Variants in MYO7B observed in about 807,000 individuals in gnomAD.
The protein encoded by MYO7B is unconventional myosin-VIIb.
MYO7B carries 212 observed loss-of-function variants against 259.7 expected under a neutral mutation model. The observed-to-expected ratio is 0.82, with a 90% CI of 0.73 to 0.91. The LOEUF (loss-of-function observed/expected upper bound fraction) is 0.91. Among genes scored for constraint, MYO7B ranks in the 40% least tolerant of loss-of-function variants. The pLI is 0.00. For missense variants in MYO7B, 2,732 were observed against 2,813.5 expected, an observed-to-expected ratio of 0.97 and a Z score of 0.66; for synonymous variants, 1,197 against 1,166.4, an observed-to-expected ratio of 1.03 and a Z score of -0.54.
chr2:127,636,481 G>A lies in MYO7B; in HGVS notation c.6124-64G>A, dbSNP rs1573733696. On this transcript the variant is annotated intron_variant, in intron 45 of 47. Transcript: ENST00000409816. The surrounding 1 kb of genome is among the most constrained non-coding windows in gnomAD (Gnocchi z 4.5). ...GTGTATGTGCGTGTGGCCTAGATGA[G>A]CTCCTGGGAGGTGCAGCCTGGCCTC... The A allele has an allele frequency of 8.6e-6, 13 of 1,519,108 alleles. No homozygotes were observed. In the East Asian group the frequency reaches 2.6e-4, roughly 31 times the overall value. The allele number at this position is 1,519,108 out of a possible 1,614,324, so 94.1% of individuals were successfully genotyped here. A position where few individuals can be genotyped will look rare whatever the true frequency, so the allele number is the denominator to read the frequency against.
Position 127,592,896 on chromosome 2 carries a change from G to T in MYO7B, c.2095G>T (p.Glu699Ter). ...SGFPIRYTFEEFSQRFGVLLP... is the reference protein window; with the variant it reads ...SGFPIRYTFE ...CTTCCCCATCCGCTACACGTTCGAG[G>T]AGTTCTCGCAGAGGTTCGGCGTGTT... The change falls in exon 17 of 48, where the codon GAG (glutamate) becomes TAG (stop). Residue 699 changes from glutamate (E) to a stop codon, truncating the protein, a stop_gained. Transcript: ENST00000409816. LOFTEE classifies it high-confidence loss of function. 1 of 1,608,176 alleles carries T rather than the reference G, an allele frequency of 6.2e-7. No homozygotes were observed. The highest frequency in any genetic ancestry group is 8.5e-7 in the Non-Finnish European group (1 of 1,177,854).
In MYO7B at chr2:127,629,105, G is replaced by A. The variant is rs921312444; in HGVS notation, c.4625-540G>A. On this transcript the variant is annotated intron_variant, in intron 34 of 47. Transcript: ENST00000409816. Reference sequence around the variant, plus strand: ...GGCCGGGTGGTCATGGGCGGTGGGTGGTGTGGTTAGTGCAGGGACTTCAGA... The same window carrying A: ...GGCCGGGTGGTCATGGGCGGTGGGTAGTGTGGTTAGTGCAGGGACTTCAGA... 5.9e-5 allele frequency among the ~76,000 whole-genome samples: 9 copies of A among 152,340 alleles called. No homozygotes were observed. In the East Asian group the frequency reaches 1.7e-3, roughly 29 times the overall value.
intron 28 of MYO7B, among the ~76,000 whole-genome samples, 181 bp from the exon 29 acceptor site, chr2:127,623,021 C>T (rs1680914369): frequency 6.6e-6 from 1 of 152,168 alleles, no homozygotes; most frequent in Non-Finnish European, 1.5e-5. Flanking sequence ...ACCTGTTGGC[C>T]TGAATTTTGT....
chr2:127,543,506 A>T (rs1693090409), intron 1 of MYO7B, among the ~76,000 whole-genome samples: 1 of 152,148 alleles, frequency 6.6e-6, no homozygotes, highest in East Asian at 1.9e-4. Flanking sequence ...ACTTCTTTCT[A>T]CATAGACACA....
At position 127,606,793 on chromosome 2, in the gene MYO7B, G is replaced by A. The variant is rs1486531809; in HGVS notation, c.2425-413G>A. Among the ~76,000 whole-genome samples, 3 of 152,186 alleles carry A rather than the reference G, an allele frequency of 2.0e-5. No individual in the cohort carries two copies. In the East Asian group the frequency reaches 5.8e-4, roughly 29 times the overall value. ...CTTTTACTTTAAAGATGCCCTCAGG[G>A]ATTTGAGTGGCCACAGGCCTCCACA... On this transcript the variant is annotated intron_variant, in intron 20 of 47. Transcript: ENST00000409816.
At chr2:127,596,893 A>G (rs181660539) in intron 19 of MYO7B, among the ~76,000 whole-genome samples, 2 of 152,376 alleles carry the variant, frequency 1.3e-5, no homozygotes, top group East Asian at 3.9e-4. Flanking sequence ...GCTTTTGGAC[A>G]GGAAAGAATC....
intron 39 of MYO7B, 109 bp from the exon 40 acceptor site, chr2:127,633,149 T>C: frequency 2.4e-6 from 2 of 834,894 alleles, no homozygotes; most frequent in Non-Finnish European, 3.8e-6. Flanking sequence ...TGATGGTCAC[T>C]GGGGTTTTCT....
At chr2:127,596,627 A>G (rs1451285800) in intron 19 of MYO7B, 71 bp downstream of exon 19, 2 of 1,278,140 alleles carry the variant, frequency 1.6e-6, no homozygotes, top group Non-Finnish European at 2.2e-6. Context: ...CCTGCAGCCC[A>G]CAAACCAGGA....
intron 6 of MYO7B, among the ~76,000 whole-genome samples, chr2:127,571,330 C>T (rs1252844256): frequency 2.6e-5 from 4 of 151,814 alleles, no homozygotes; most frequent in African/African-American, 9.7e-5. Flanking sequence ...AGGATGTTAG[C>T]GTCCTTCCTC....
At position 127,615,497 on chromosome 2, in the gene MYO7B, G is replaced by A. The variant is rs142030654; in HGVS notation, c.3398+2894G>A. ...GCTTCTTCAGCCCTTAGTATTTATT[G>A]GGTAGAATGAGCAGGGAGGAGGAGG... is the stretch of plus-strand genomic sequence containing the variant. On this transcript the variant is annotated intron_variant, in intron 26 of 47. Transcript: ENST00000409816. This position sits in a 1 kb window ranked among gnomAD's most constrained non-coding sequence, Gnocchi z 4.4. Among the ~76,000 whole-genome samples the A allele has an allele frequency of 2.1e-3, 316 of 152,162 alleles. 3 individuals carry two copies. Among genetic ancestry groups the A allele is most frequent in the African/African-American group, 7.3e-3 (304 of 41,506 alleles).
Position 127,584,394 on chromosome 2 carries a change from C to T in MYO7B, c.1554+62C>T. On this transcript the variant is annotated intron_variant, in intron 13 of 47. Transcript: ENST00000409816. The surrounding 1 kb of genome is among the most constrained non-coding windows in gnomAD (Gnocchi z 5.8). ...CCTGCTATGGGTCTCCTCTTGGAGGCTGGGAAACTCCATTTGGGTGGGCCA... is the reference window on the plus strand; with the variant it reads ...CCTGCTATGGGTCTCCTCTTGGAGGTTGGGAAACTCCATTTGGGTGGGCCA... 3 of 1,547,314 alleles carry T rather than the reference C, an allele frequency of 1.9e-6. No homozygotes were observed. Among genetic ancestry groups the T allele is most frequent in the Non-Finnish European group, 2.7e-6 (3 of 1,126,338 alleles).
chr2:127,550,871 GGA>G (rs1693419262), intron 1 of MYO7B, among the ~76,000 whole-genome samples: 1 of 151,530 alleles, frequency 6.6e-6, no homozygotes, highest in African/African-American at 2.4e-5. Context: ...AAGATGTGAG[GGA>G]GGATAATATA....
At chr2:127,624,772 G>A (rs1681022976) in intron 30 of MYO7B, among the ~76,000 whole-genome samples, 1 of 152,250 alleles carries the variant, frequency 6.6e-6, no homozygotes, top group Admixed American at 6.5e-5. Context: ...TGTACCGGGA[G>A]CTCTTTTGTA....
intron 26 of MYO7B, among the ~76,000 whole-genome samples, chr2:127,618,250 C>T (rs1323751222): frequency 4.6e-5 from 7 of 152,036 alleles, no homozygotes; most frequent in Non-Finnish European, 8.8e-5. Context: ...CATTACGAGA[C>T]GGAACGAAGG....
chr2:127,567,093 G>T (rs557549403), intron 5 of MYO7B, among the ~76,000 whole-genome samples: 1 of 152,148 alleles, frequency 6.6e-6, no homozygotes, highest in Non-Finnish European at 1.5e-5. Context: ...AGGAAGTTGG[G>T]CTGGGTTCCT....
chr2:127,568,116 C>A (rs1158013095), intron 5 of MYO7B, among the ~76,000 whole-genome samples: 1 of 152,192 alleles, frequency 6.6e-6, no homozygotes, highest in Admixed American at 6.5e-5. Context: ...TGGTACACAG[C>A]AGTGAAGTGG....
rs1677995929 is a variant in MYO7B, at chr2:127,559,819, G to C, written c.18+79G>C. The C allele has an allele frequency of 3.3e-6, 5 of 1,523,200 alleles. No homozygotes were observed. The African/African-American group carries it at 4.1e-5, about 13-fold the overall frequency. The allele number at this position is 1,523,200 out of a possible 1,614,324, so 94.4% of individuals were successfully genotyped here. ...AAGTTGAATCGCTCCCAAGGAAAGAGAGGAAAGGCAATGAGACCCTATAGG... is the reference window on the plus strand; with the variant it reads ...AAGTTGAATCGCTCCCAAGGAAAGACAGGAAAGGCAATGAGACCCTATAGG... On this transcript the variant is annotated intron_variant, in intron 2 of 47. Coordinates refer to ENST00000409816, the MANE Select transcript of MYO7B (RefSeq NM_001393586.1). This position sits in a 1 kb window ranked among gnomAD's most constrained non-coding sequence, Gnocchi z 4.1.
At position 127,597,475 on chromosome 2, in the gene MYO7B, A is replaced by C. The variant is rs1235696277; in HGVS notation, c.2339+919A>C. ...GTGCTGCTTAACCCCAGCAACCTCT[A>C]ACCTGTTCTACATTTCTAGAATGTT... On this transcript the variant is annotated intron_variant, in intron 19 of 47. Coordinates refer to ENST00000409816, the MANE Select transcript of MYO7B (RefSeq NM_001393586.1). The surrounding 1 kb of genome is among the most constrained non-coding windows in gnomAD (Gnocchi z 4.8). 6.6e-6 allele frequency among the ~76,000 whole-genome samples: 1 copy of C among 151,984 alleles called. No individual in the cohort carries two copies. The highest frequency in any genetic ancestry group is 1.5e-5 in the Non-Finnish European group (1 of 67,986).
Position 127,609,918 on chromosome 2 carries a change from A to G in MYO7B, c.3094A>G (p.Arg1032Gly), listed in dbSNP as rs748059827. ...TCTCCCAGAGCCAGTGCTGTATGCC[A>G]GGAGCAGCCAGCAGGGCAGCTCAGT... ...GDLPEPVLYA[R>G]SSQQGSSVMR... The change falls in exon 24 of 48, where the codon AGG becomes GGG. Residue 1032 changes from arginine (R) to glycine (G), a missense_variant. Arg to Gly is a moderately radical substitution (Grantham distance 125). Transcript: ENST00000409816. The surrounding 1 kb of genome is among the most constrained non-coding windows in gnomAD (Gnocchi z 6.9). 13 of 1,610,182 alleles carry G rather than the reference A, an allele frequency of 8.1e-6. No individual in the cohort carries two copies. In the South Asian group the frequency reaches 1.4e-4, roughly 18 times the overall value.
Sources: gnomAD v4.1 joint callset for allele counts (sites outside exome capture counted in the v4.1 genomes callset) on GRCh38, gnomAD v4.1.1 for gene constraint, Gnocchi (gnomAD v3.1) non-coding constraint, MANE v1.5 for transcripts, NCBI Gene and HGNC (gene_info 2026-07-23, HGNC 2026-07-21) for gene names.